Variants in DCAF8L2 observed in about 807,000 individuals in gnomAD.
DCAF8L2 encodes DDB1 and CUL4 associated factor 8 like 2, also known as DDB1- and CUL4-associated factor 8-like protein 2.
For synonymous variants in DCAF8L2, 200 were observed against 190.9 expected (o/e 1.05, Z -0.39); for missense variants, 430 against 490.7 (o/e 0.88, Z 1.17).
rs1032293818 is a variant in DCAF8L2 at position 27,635,897 on chromosome X, C to T, written c.-220+3897C>T. ...CGCCATCTTGGCTCGCTGCAACCTCCGCCTCCCGGGTTCAAGCGATTCTCC... is the reference window on the plus strand; with the variant it reads ...CGCCATCTTGGCTCGCTGCAACCTCTGCCTCCCGGGTTCAAGCGATTCTCC... On this transcript the variant is annotated intron_variant, in intron 2 of 4. Coordinates refer to ENST00000451261, the MANE Select transcript of DCAF8L2 (RefSeq NM_001353450.2). Among the ~76,000 whole-genome samples, 16 of 107,997 alleles carry T rather than the reference C, an allele frequency of 1.5e-4. No individual in the cohort carries two copies. The South Asian group carries it at 2.5e-3, about 17-fold the overall frequency. 93.8% of individuals were successfully genotyped at this position (107,997 alleles called of 115,157 possible). A position where few individuals can be genotyped will look rare whatever the true frequency, so the allele number is the denominator to read the frequency against.
At chrX:27,571,982 T>G in the DCAF8L2 span, among the ~76,000 whole-genome samples, 1 of 111,814 alleles carries the variant, frequency 8.9e-6, no homozygotes, top group African/African-American at 3.3e-5. Context: ...GGAGAAAAAT[T>G]GTCTCACCAA....
chrX:27,490,631 T>G, the DCAF8L2 span, among the ~76,000 whole-genome samples: 2 of 110,066 alleles, frequency 1.8e-5, no homozygotes, highest in African/African-American at 6.6e-5. Flanking sequence ...CTGGCTAACT[T>G]TTGTATTTTT....
intron 4 of DCAF8L2, among the ~76,000 whole-genome samples, chrX:27,717,609 C>G (rs1365779017): frequency 8.9e-6 from 1 of 111,852 alleles, no homozygotes; most frequent in Non-Finnish European, 1.9e-5. Context: ...GTTTGAGTTT[C>G]TTGCAGATTC....
intron 1 of DCAF8L2, among the ~76,000 whole-genome samples, chrX:27,622,545 T>A (rs956055400): frequency 1.1e-4 from 12 of 111,827 alleles, no homozygotes; most frequent in Non-Finnish European, 1.7e-4. Context: ...AAATAAATTG[T>A]AGAAAGTCAA....
chrX:27,665,440 A>T (rs1035531172), intron 2 of DCAF8L2, among the ~76,000 whole-genome samples: 3 of 111,920 alleles, frequency 2.7e-5, no homozygotes, highest in Non-Finnish European at 5.6e-5. Flanking sequence ...TGATTTCTTG[A>T]GATGGAATCT....
intron 4 of DCAF8L2, among the ~76,000 whole-genome samples, chrX:27,733,393 C>T (rs761177889): frequency 8.9e-6 from 1 of 111,829 alleles, no homozygotes; most frequent in South Asian, 3.7e-4. Flanking sequence ...TTTATTATCG[C>T]CATTGATTAG....
chrX:27,528,501 T>C, the DCAF8L2 span, among the ~76,000 whole-genome samples: 6,955 of 100,147 alleles, frequency 0.069, 621 homozygotes, highest in African/African-American at 0.22. Context: ...TATATATATA[T>C]ACACACACAC....
At chrX:27,633,917 G>A (rs183966284) in intron 2 of DCAF8L2, 5 of 111,334 alleles carry the variant, frequency 4.5e-5, no homozygotes, top group African/African-American at 1.6e-4. Context: ...TGCTGGTGAA[G>A]GTCAATTTTC....
At chrX:27,516,210 G>A in the DCAF8L2 span, among the ~76,000 whole-genome samples, 1 of 111,282 alleles carries the variant, frequency 9.0e-6, no homozygotes, top group East Asian at 2.8e-4. Flanking sequence ...CAAAGTATTA[G>A]AACATGTGAA....
At chrX:27,712,222 T>C (rs1931556825) in intron 3 of DCAF8L2, among the ~76,000 whole-genome samples, 1 of 111,825 alleles carries the variant, frequency 8.9e-6, no homozygotes, top group Non-Finnish European at 1.9e-5. Context: ...AATTGGCATC[T>C]GTTGACTGTC....
In DCAF8L2 at chrX:27,748,500, T is replaced by C; in HGVS notation, c.1605T>C (p.His535=). The C allele has an allele frequency of 2.5e-6, 3 of 1,211,105 alleles. No individual in the cohort carries two copies. The highest frequency in any genetic ancestry group is 3.4e-6 in the Non-Finnish European group (3 of 895,019). Reference sequence around the variant, plus strand: ...TGTTGGCGTGCAGTGGCCTAGATCATGATGTCAAGATCTGGACACCCACAG... The same window carrying C: ...TGTTGGCGTGCAGTGGCCTAGATCACGATGTCAAGATCTGGACACCCACAG... The part of the protein sequence containing the change: ...LPVLACSGLD[H]DVKIWTPTAK... Residue 535 remains histidine (H), a synonymous_variant, in exon 5 of 5, where the codon CAT becomes CAC. Coordinates refer to ENST00000451261, the MANE Select transcript of DCAF8L2 (RefSeq NM_001353450.2).
chrX:27,663,068 A>G (rs1380133190), intron 2 of DCAF8L2, among the ~76,000 whole-genome samples: 5 of 112,035 alleles, frequency 4.5e-5, no homozygotes, highest in African/African-American at 1.6e-4. Flanking sequence ...AAGTAATATT[A>G]GCAAATGGCA....
At chrX:27,562,377 A>C in the DCAF8L2 span, among the ~76,000 whole-genome samples, 2 of 112,207 alleles carry the variant, frequency 1.8e-5, no homozygotes. Context: ...CCAAAAGCTC[A>C]CCACGGTCCA....
At chrX:27,668,610 G>A (rs1283121384) in intron 2 of DCAF8L2, among the ~76,000 whole-genome samples, 2 of 111,532 alleles carry the variant, frequency 1.8e-5, no homozygotes, top group African/African-American at 6.5e-5. Context: ...TAAGAACTAC[G>A]CCTTGGAGAT....
chrX:27,551,383 T>G, the DCAF8L2 span, among the ~76,000 whole-genome samples: 3 of 111,020 alleles, frequency 2.7e-5, no homozygotes, highest in Non-Finnish European at 5.7e-5. Flanking sequence ...TCATTATCAT[T>G]TTTAGCAATA....
At chrX:27,600,790 T>C (rs1227658277) in intron 1 of DCAF8L2, among the ~76,000 whole-genome samples, 1 of 112,010 alleles carries the variant, frequency 8.9e-6, no homozygotes, top group Non-Finnish European at 1.9e-5. Flanking sequence ...CTAGGGTGCA[T>C]GGAAATCAAA....
At chrX:27,727,455 A>G (rs956039274) in intron 4 of DCAF8L2, among the ~76,000 whole-genome samples, 1 of 111,313 alleles carries the variant, frequency 9.0e-6, no homozygotes, top group Non-Finnish European at 1.9e-5. Flanking sequence ...TTTTTTAATC[A>G]TTTGAATGTC....
chrX:27,503,592 C>A, the DCAF8L2 span, among the ~76,000 whole-genome samples: 1 of 110,594 alleles, frequency 9.0e-6, no homozygotes, highest in Admixed American at 9.7e-5. Context: ...AAAAAAAAAT[C>A]AATTGGACAT....
At chrX:27,666,060 ATAAT>A (rs1206250675) in intron 2 of DCAF8L2, among the ~76,000 whole-genome samples, 1 of 111,830 alleles carries the variant, frequency 8.9e-6, no homozygotes, top group East Asian at 2.8e-4. Context: ...TGTTTTCCAA[ATAAT>A]TAAATAGTAA....
Sources: gnomAD v4.1 joint callset for allele counts (sites outside exome capture counted in the v4.1 genomes callset) on GRCh38, gnomAD v4.1.1 for gene constraint, MANE v1.5 for transcripts, NCBI Gene and HGNC (gene_info 2026-07-23, HGNC 2026-07-21) for gene names.